Variants in EFCAB11 observed in about 807,000 individuals in gnomAD.
The protein encoded by EFCAB11 is EF-hand calcium-binding domain-containing protein 11.
In EFCAB11, 14 loss-of-function variants were observed where a neutral mutation model predicts 23.0. That is an observed-to-expected ratio of 0.61 (90% CI 0.40 to 0.95). EFCAB11 has a LOEUF of 0.95. Among genes scored for constraint, EFCAB11 ranks in the 40% least tolerant of loss-of-function variants. EFCAB11 has a pLI of 0.00. For missense variants in EFCAB11, 198 were observed against 195.8 expected, an observed-to-expected ratio of 1.01 and a Z score of -0.07; for synonymous variants, 65 against 66.6, an observed-to-expected ratio of 0.98 and a Z score of 0.11.
At chr14:89,952,729 G>A in intron 2 of EFCAB11, 16 of 508,846 alleles carry the variant, frequency 3.1e-5, no homozygotes, top group Non-Finnish European at 4.1e-5. Context: ...TGGCTTTGCT[G>A]GGCTTTCAAT....
Position 89,818,428 on chromosome 14 carries a change from G to T in EFCAB11, c.411-21104C>A, listed in dbSNP as rs544275243. Among the ~76,000 whole-genome samples, 501 of 152,124 alleles carry T rather than the reference G, an allele frequency of 3.3e-3. 5 individuals carry two copies. Among genetic ancestry groups the T allele is most frequent in the African/African-American group, 0.011 (475 of 41,484 alleles). On this transcript the variant is annotated intron_variant, in intron 5 of 5. Coordinates refer to ENST00000316738, the MANE Select transcript of EFCAB11 (RefSeq NM_145231.4). ...GTAGAACTACAAAAGAAAGAAGCAAGAGGGAAAGAGGACGTAGGGAGAAGA... is the reference window on the plus strand; with the variant it reads ...GTAGAACTACAAAAGAAAGAAGCAATAGGGAAAGAGGACGTAGGGAGAAGA...
chr14:89,797,347 A>C (rs1336244266), intron 5 of EFCAB11, 23 bp from the exon 6 acceptor site: 1 of 1,606,670 alleles, frequency 6.2e-7, no homozygotes, highest in South Asian at 1.1e-5. Context: ...ACAAAAAGTC[A>C]TTTACACATT....
chr14:89,851,542 CAT>C (rs1887601982), intron 5 of EFCAB11, among the ~76,000 whole-genome samples: 1 of 152,284 alleles, frequency 6.6e-6, no homozygotes, highest in African/African-American at 2.4e-5. Flanking sequence ...ATAGGGTAAT[CAT>C]AGGATCTTTG....
chr14:89,921,072 A>AAAAAAAAAAAAAAAAG (rs796207560), intron 5 of EFCAB11, among the ~76,000 whole-genome samples: 2 of 147,518 alleles, frequency 1.4e-5, no homozygotes, highest in African/African-American at 5.3e-5. Context: ...CTAAAAAAAA[A>AAAAAAAAAAAAAAAAG]AAAAGAAAAG....
chr14:89,836,472 GGGATGTGGATTAAGCAT>G, intron 5 of EFCAB11: 1 of 438,852 alleles, frequency 2.3e-6, no homozygotes, highest in South Asian at 1.6e-5. Flanking sequence ...TTGTTTGAAG[GGGATGTGGATTAAGCAT>G]GGATGTTGGG....
chr14:89,909,295 C>A (rs1214214196), intron 5 of EFCAB11, among the ~76,000 whole-genome samples: 3 of 152,140 alleles, frequency 2.0e-5, no homozygotes, highest in Non-Finnish European at 4.4e-5. Context: ...CTGATCACAT[C>A]GGCTGGGCAT....
chr14:89,877,351 T>G (rs768309505), intron 5 of EFCAB11, among the ~76,000 whole-genome samples: 1 of 152,130 alleles, frequency 6.6e-6, no homozygotes, highest in Non-Finnish European at 1.5e-5. Flanking sequence ...CAAAAGTATT[T>G]TTGAGTGAAG....
intron 5 of EFCAB11, among the ~76,000 whole-genome samples, chr14:89,834,125 C>T (rs757270337): frequency 1.0e-4 from 15 of 147,924 alleles, no homozygotes; most frequent in Admixed American, 4.1e-4. Flanking sequence ...GAGGCTGAGG[C>T]GGGCCTATCA....
At chr14:89,862,591 A>T (rs1022614297) in intron 5 of EFCAB11, among the ~76,000 whole-genome samples, 1 of 152,238 alleles carries the variant, frequency 6.6e-6, no homozygotes, top group African/African-American at 2.4e-5. Flanking sequence ...AAAAGCTAGT[A>T]ATCATGATCA....
chr14:89,905,552 G>A (rs1889470231), intron 5 of EFCAB11, among the ~76,000 whole-genome samples: 1 of 152,208 alleles, frequency 6.6e-6, no homozygotes, highest in African/African-American at 2.4e-5. Flanking sequence ...GTCTCATGCT[G>A]AGGAAGGGAC....
At chr14:89,859,075 T>A (rs1596405949) in intron 5 of EFCAB11, among the ~76,000 whole-genome samples, 1 of 152,138 alleles carries the variant, frequency 6.6e-6, no homozygotes, top group Non-Finnish European at 1.5e-5. Flanking sequence ...AAAGCAAATA[T>A]CTTATCACGA....
chr14:89,885,292 A>G (rs1671931638), intron 5 of EFCAB11, among the ~76,000 whole-genome samples: 1 of 152,236 alleles, frequency 6.6e-6, no homozygotes, highest in Admixed American at 6.5e-5. Context: ...ACAAAAGGAT[A>G]TACTTTATTC....
At chr14:89,946,164 T>C (rs1890976923) in intron 3 of EFCAB11, among the ~76,000 whole-genome samples, 1 of 152,120 alleles carries the variant, frequency 6.6e-6, no homozygotes, top group Non-Finnish European at 1.5e-5. Context: ...TTCGTCTGCG[T>C]TGGCCTCTCA....
chr14:89,891,012 A>G (rs1050826854), intron 5 of EFCAB11, among the ~76,000 whole-genome samples: 2 of 152,250 alleles, frequency 1.3e-5, no homozygotes, highest in Non-Finnish European at 1.5e-5. Flanking sequence ...ACTGACCCTC[A>G]CTGGGAGAGT....
At chr14:89,833,317 A>G (rs1387413352) in intron 5 of EFCAB11, 2 of 152,248 alleles carry the variant, frequency 1.3e-5, no homozygotes, top group Non-Finnish European at 2.9e-5. Context: ...TCTGAGTAAC[A>G]CAGTCTGAAG....
intron 4 of EFCAB11, 49 bp from the exon 5 acceptor site, chr14:89,931,680 A>G: frequency 6.7e-7 from 1 of 1,491,156 alleles, no homozygotes; most frequent in South Asian, 1.1e-5. Flanking sequence ...AAGACCTATC[A>G]ACTGTTACTT....
At chr14:89,876,020 G>T (rs1443133892) in intron 5 of EFCAB11, among the ~76,000 whole-genome samples, 1 of 152,210 alleles carries the variant, frequency 6.6e-6, no homozygotes, top group Admixed American at 6.5e-5. Flanking sequence ...TTCAAAGACT[G>T]AAGGGTGAAG....
rs965191741 is a variant in EFCAB11 at position 89,921,409 on chromosome 14, C to T, written c.410+10132G>A. Reference sequence around the variant, plus strand: ...AAAAGCTATTGAAGTTAGGAAGTAACATAAATAGAGATGATAATTTACTCA... The same window carrying T: ...AAAAGCTATTGAAGTTAGGAAGTAATATAAATAGAGATGATAATTTACTCA... On this transcript the variant is annotated intron_variant, in intron 5 of 5. Coordinates refer to ENST00000316738, the MANE Select transcript of EFCAB11 (RefSeq NM_145231.4). Among the ~76,000 whole-genome samples, 9 of 152,256 alleles carry T rather than the reference C, an allele frequency of 5.9e-5. No homozygotes were observed. The South Asian group carries it at 6.2e-4, about 11-fold the overall frequency.
chr14:89,931,763 A>C, intron 4 of EFCAB11, 132 bp from the exon 5 acceptor site: 3 of 696,488 alleles, frequency 4.3e-6, no homozygotes, highest in Non-Finnish European at 7.2e-6. Context: ...GATTGATTTC[A>C]CAGATAAGGT....
Sources: allele counts gnomAD v4.1 joint callset (sites outside exome capture counted in the v4.1 genomes callset), GRCh38; gene constraint gnomAD v4.1.1; transcripts MANE v1.5; gene names NCBI Gene and HGNC (gene_info 2026-07-23, HGNC 2026-07-21).